The following NSUN2 variants were observed in gnomAD, a reference collection of about 807,000 sequenced individuals.
NSUN2 encodes the protein RNA cytosine C(5)-methyltransferase NSUN2.
NSUN2 carries 63 observed loss-of-function variants against 92.7 expected under a neutral mutation model. The observed-to-expected ratio is 0.68, with a 90% confidence interval of 0.56 to 0.84. The LOEUF is 0.84. Among genes scored for constraint, NSUN2 ranks in the 40% least tolerant of loss-of-function variants. The probability of loss-of-function intolerance (pLI) is 0.00; values close to 1 mark genes in which losing one functional copy is unlikely to be tolerated. For synonymous variants in NSUN2, 356 were observed against 348.3 expected, an observed-to-expected ratio of 1.02 and a Z score of -0.25; for missense variants, 989 against 964.9, an observed-to-expected ratio of 1.02 and a Z score of -0.33.
rs868442196 is a variant in NSUN2, at chr5:6,620,131, G to T, written c.790C>A (p.Arg264=). The change falls in exon 7 of 19, where the codon CGA becomes AGA. Residue 264 remains arginine, a synonymous_variant. Transcript: ENST00000264670. ...CTGCAAGGGACATCACATAAAATTC[G>T]ATCATAGAAGAGGATCTCTTTCCTG... ...DGRKEILFYD[R]ILCDVPCSGD... is the part of the protein sequence containing the mutation. The T allele has an allele frequency of 6.3e-7, 1 of 1,599,920 alleles. No individual in the cohort carries two copies.
intron 18 of NSUN2, 76 bp from the exon 19 acceptor site, chr5:6,600,308 G>A: frequency 7.4e-7 from 1 of 1,347,408 alleles, no homozygotes; most frequent in Non-Finnish European, 1.0e-6. Flanking sequence ...ATATGCAACT[G>A]CTTAAAAAAG....
chr5:6,616,237 A>G (rs1266378926), intron 9 of NSUN2, among the ~76,000 whole-genome samples: 3 of 152,218 alleles, frequency 2.0e-5, no homozygotes, highest in Non-Finnish European at 4.4e-5. Context: ...AACAGCCAAA[A>G]AGTGGAAGAA....
Position 6,616,651 on chromosome 5 carries a change from A to G in NSUN2, c.1021+76T>C, listed in dbSNP as rs1156377213. The G allele has an allele frequency of 5.6e-5, 9 of 161,718 alleles. 3 individuals carry two copies. Among genetic ancestry groups the G allele is most frequent in the Non-Finnish European group, 8.1e-5 (9 of 110,830 alleles). The allele number at this position is 161,718 out of a possible 1,614,324, so 10.0% of individuals were successfully genotyped here. On this transcript the variant is annotated intron_variant, in intron 9 of 18. Transcript: ENST00000264670. ...AAAAATGATTAAGATGGTAAACCTC[A>G]CGTTATGTGTATTGTACCATACACA...
intron 8 of NSUN2, 79 bp downstream of exon 8, chr5:6,617,871 C>A (rs1737274541): frequency 1.9e-6 from 2 of 1,069,074 alleles, no homozygotes; most frequent in Admixed American, 4.1e-5. Context: ...AATTAAAGAT[C>A]GGATGCTCAC....
At position 6,620,096 on chromosome 5, in the gene NSUN2, A is replaced by C; in HGVS notation, c.815+10T>G. On this transcript the variant is annotated intron_variant, in intron 7 of 18. Coordinates refer to ENST00000264670, the MANE Select transcript of NSUN2 (RefSeq NM_017755.6). ...GTGGATTTGGGCTTTTTGGCCAATA[A>C]GATAAATACCTGCAAGGGACATCAC... 1 of 1,542,362 alleles carries C rather than the reference A, an allele frequency of 6.5e-7. No individual in the cohort carries two copies. The highest frequency in any genetic ancestry group is 8.7e-7 in the Non-Finnish European group (1 of 1,145,102).
At chr5:6,600,699 C>T (rs1473226361) in intron 18 of NSUN2, among the ~76,000 whole-genome samples, 7 of 151,974 alleles carry the variant, frequency 4.6e-5, no homozygotes, top group Admixed American at 4.6e-4. Flanking sequence ...GACCCAGGAC[C>T]ACCGGGAGAC....
chr5:6,616,672 A>G, intron 9 of NSUN2, 55 bp downstream of exon 9: 1 of 261,426 alleles, frequency 3.8e-6, no homozygotes, highest in Admixed American at 6.1e-5. Flanking sequence ...ATTGTACCAT[A>G]CACATATGAA....
chr5:6,630,516 T>C (rs1737835385), intron 3 of NSUN2, among the ~76,000 whole-genome samples: 1 of 152,124 alleles, frequency 6.6e-6, no homozygotes, highest in Admixed American at 6.6e-5. Flanking sequence ...ATGTTGGTCA[T>C]ATTTATTCCT....
chr5:6,633,015 G>C lies in NSUN2; in HGVS notation c.-36C>G, dbSNP rs540629845. On this transcript the variant is annotated 5_prime_UTR_variant, in exon 1 of 19. Coordinates refer to ENST00000264670, the MANE Select transcript of NSUN2 (RefSeq NM_017755.6). ...GCCGCGCACGCAGCACGCAGAAACC[G>C]GCCCGCCACGGCCAGAACTCTAGCC... The C allele has an allele frequency of 9.9e-6, 14 of 1,412,800 alleles. No homozygotes were observed. Among genetic ancestry groups the C allele is most frequent in the Admixed American group, 9.7e-5 (3 of 31,084 alleles). The allele number at this position is 1,412,800 out of a possible 1,614,324, so 87.5% of individuals were successfully genotyped here.
intron 18 of NSUN2, among the ~76,000 whole-genome samples, chr5:6,600,992 C>T (rs968761170): frequency 2.6e-5 from 4 of 151,722 alleles, no homozygotes; most frequent in Non-Finnish European, 4.4e-5. Context: ...AACCTGCACA[C>T]GCCCTCTCTC....
At position 6,611,073 on chromosome 5, in the gene NSUN2, C is replaced by T; in HGVS notation, c.1108G>A (p.Asp370Asn). 2 of 1,614,210 alleles carry T rather than the reference C, an allele frequency of 1.2e-6. No homozygotes were observed. The highest frequency in any genetic ancestry group is 1.7e-6 in the Non-Finnish European group (2 of 1,180,042). The change falls in exon 11 of 19, where the codon GAT becomes AAT. Residue 370 changes from aspartate to asparagine, a missense_variant. Transcript: ENST00000264670. ...TCCCAGTCTGTAAACCACTGCCCAT[C>T]TTTCGTCATTACCTGCAGAACCACA... ...GITQWKVMTK[D>N]GQWFTDWDAV... is the part of the protein sequence containing the mutation.
Position 6,625,594 on chromosome 5 carries a change from A to T in NSUN2, c.435T>A (p.Phe145Leu), listed in dbSNP as rs1320279864. Reference protein sequence around the residue: ...ILRKSPHLEKFHQFLVSETES... With the variant: ...ILRKSPHLEKLHQFLVSETES... ...CTGTTTCACTAACTAGAAACTGATG[A>T]AACTTTTCCAAGTGTGGCGATTTTC... Residue 145 changes from phenylalanine to leucine, a missense_variant, in exon 4 of 19, where the codon TTT becomes TTA. By Grantham distance (22) the Phe-to-Leu change is conservative. This residue lies in a region of NSUN2 where 356 missense variants were observed against 338.6 expected (regional missense o/e 1.05). Coordinates refer to ENST00000264670, the MANE Select transcript of NSUN2 (RefSeq NM_017755.6). The T allele has an allele frequency of 3.1e-6, 5 of 1,614,046 alleles. No individual in the cohort carries two copies. Among genetic ancestry groups the T allele is most frequent in the Non-Finnish European group, 4.2e-6 (5 of 1,179,986 alleles).
intron 5 of NSUN2, among the ~76,000 whole-genome samples, chr5:6,622,847 CA>C (rs36124758): frequency 3.9e-4 from 49 of 126,898 alleles, no homozygotes; most frequent in Admixed American, 6.5e-4. Context: ...AACTCCATCT[CA>C]AAAAAAAAAA....
chr5:6,604,657 C>A lies in NSUN2; in HGVS notation c.1766G>T (p.Cys589Phe). The stretch of plus-strand genomic sequence containing the variant: ...AAACTCTTCACCGCTGTTATTTCTA[C>A]ACCAGACTTTGATCCCCGTGTTAAT... The part of the protein sequence containing the change: ...KVINTGIKVW[C>F]RNNSGEEFDC... Residue 589 changes from cysteine (C) to phenylalanine (F), a missense_variant, in exon 16 of 19, where the codon TGT becomes TTT. Cys to Phe is a radical substitution (Grantham distance 205, BLOSUM62 -2). Transcript: ENST00000264670. The A allele has an allele frequency of 6.2e-7, 1 of 1,614,064 alleles. No homozygotes were observed.
intron 14 of NSUN2, among the ~76,000 whole-genome samples, chr5:6,606,360 T>C (rs1029869872): frequency 4.6e-5 from 7 of 152,184 alleles, no homozygotes; most frequent in Non-Finnish European, 8.8e-5. Flanking sequence ...CTCGGCTCAC[T>C]GCAAGCTCCA....
At position 6,606,851 on chromosome 5, in the gene NSUN2, G is replaced by C. The variant is rs748099374; in HGVS notation, c.1570C>G (p.Pro524Ala). The C allele has an allele frequency of 6.3e-6, 10 of 1,594,192 alleles. No homozygotes were observed. Among genetic ancestry groups the C allele is most frequent in the Non-Finnish European group, 8.6e-6 (10 of 1,162,778 alleles). Residue 524 changes from proline to alanine, a missense_variant, in exon 14 of 19, where the codon CCT (proline) becomes GCT (alanine). By Grantham distance (27) the Pro-to-Ala change is conservative. Coordinates refer to ENST00000264670, the MANE Select transcript of NSUN2 (RefSeq NM_017755.6). ...GGTGGAAATAATGGGTCATCTTCAG[G>C]AATAAATACAAATGGATCTTCTTTA... ...GFKEDPFVFIPEDDPLFPPIE... is the reference protein window; with the variant it reads ...GFKEDPFVFIAEDDPLFPPIE...
In NSUN2 at chr5:6,605,398, C is replaced by G; in HGVS notation, c.1612G>C (p.Ala538Pro). ...ATCCTTGGGAATGAAGGATCCAAAGCATAAAATTTCCTGTACATAACAACA... is the reference window on the plus strand; with the variant it reads ...ATCCTTGGGAATGAAGGATCCAAAGGATAAAATTTCCTGTACATAACAACA... ...PLFPPIEKFY[A>P]LDPSFPRMNL... Residue 538 changes from alanine to proline, a missense_variant, in exon 15 of 19, where the codon GCT becomes CCT. By Grantham distance (27) the Ala-to-Pro change is conservative (BLOSUM62 -1). Coordinates refer to ENST00000264670, the MANE Select transcript of NSUN2 (RefSeq NM_017755.6). 1 of 1,614,020 alleles carries G rather than the reference C, an allele frequency of 6.2e-7. No homozygotes were observed. Among genetic ancestry groups the G allele is most frequent in the Non-Finnish European group, 8.5e-7 (1 of 1,179,970 alleles).
chr5:6,611,460 A>AAAAAAAAAAAAAAAAAAAAAAC lies in NSUN2; in HGVS notation c.1095+264_1095+265insGTTTTTTTTTTTTTTTTTTTTT, dbSNP rs1736987051. Among the ~76,000 whole-genome samples the AAAAAAAAAAAAAAAAAAAAAAC allele has an allele frequency of 2.0e-5, 3 of 151,180 alleles. 1 individual carries two copies. The highest frequency in any genetic ancestry group is 3.0e-5 in the Non-Finnish European group (2 of 67,738). ...TCCCGGCCCAATTTAAAAAAAAAAA[A>AAAAAAAAAAAAAAAAAAAAAAC]AAAAAGCAAAGCTACCCTTACAGGG... On this transcript the variant is annotated intron_variant, in intron 10 of 18. Coordinates refer to ENST00000264670, the MANE Select transcript of NSUN2 (RefSeq NM_017755.6).
intron 18 of NSUN2, among the ~76,000 whole-genome samples, chr5:6,600,511 C>T (rs1242631093): frequency 6.6e-6 from 1 of 152,190 alleles, no homozygotes; most frequent in East Asian, 1.9e-4. Flanking sequence ...TTCACATACA[C>T]TTTCTACATA....
Sources: allele counts gnomAD v4.1 joint callset (sites outside exome capture counted in the v4.1 genomes callset), GRCh38; gene constraint gnomAD v4.1.1; regional missense constraint gnomAD v4.1.1; transcripts MANE v1.5; gene names NCBI Gene and HGNC (gene_info 2026-07-23, HGNC 2026-07-21).